The following OXR1 variants were observed in gnomAD, a reference collection of about 807,000 sequenced individuals.
The protein encoded by OXR1 is oxidation resistance 1.
In OXR1, 41 loss-of-function variants were observed where a neutral mutation model predicts 104.6. The observed-to-expected ratio is 0.39, with a 90% CI of 0.31 to 0.51. The LOEUF (loss-of-function observed/expected upper bound fraction) is 0.51, where lower values mean the gene tolerates loss of function less well. Among genes scored for constraint, OXR1 ranks in the 20% least tolerant of loss-of-function variants. The probability of loss-of-function intolerance (pLI) is 0.77; values close to 1 mark genes in which losing one functional copy is unlikely to be tolerated. For missense variants in OXR1, 955 were observed against 1,031.9 expected (o/e 0.93, Z 1.02); for synonymous variants, 348 against 348.4 (o/e 1.00, Z 0.01).
At chr8:106,333,106 C>T (rs956390383) in intron 1 of OXR1, among the ~76,000 whole-genome samples, 5 of 152,028 alleles carry the variant, frequency 3.3e-5, no homozygotes, top group African/African-American at 1.2e-4. Flanking sequence ...TATCAACATT[C>T]ATGTATAAGT....
chr8:106,586,321 GAAAAA>G (rs796612145), intron 3 of OXR1, among the ~76,000 whole-genome samples: 1 of 149,704 alleles, frequency 6.7e-6, no homozygotes, highest in African/African-American at 2.5e-5. Flanking sequence ...TAGAAAGAAA[GAAAAA>G]AAAAGAGAGA....
chr8:106,382,317 T>C (rs1033128102), intron 2 of OXR1, among the ~76,000 whole-genome samples: 1 of 151,978 alleles, frequency 6.6e-6, no homozygotes, highest in Non-Finnish European at 1.5e-5. Flanking sequence ...CTAACCCAGA[T>C]CCCCAAGTGA....
At chr8:106,325,912 G>C (rs1814450636) in intron 1 of OXR1, among the ~76,000 whole-genome samples, 2 of 152,160 alleles carry the variant, frequency 1.3e-5, no homozygotes, top group Non-Finnish European at 2.9e-5. Flanking sequence ...AGGATCTGAA[G>C]AAGAATACAT....
intron 1 of OXR1, among the ~76,000 whole-genome samples, chr8:106,295,302 T>C (rs1812946069): frequency 6.6e-6 from 1 of 152,090 alleles, no homozygotes; most frequent in Non-Finnish European, 1.5e-5. Context: ...GACTTAACCA[T>C]CTCTATTAAA....
intron 2 of OXR1, among the ~76,000 whole-genome samples, chr8:106,453,400 T>C (rs1277100291): frequency 6.6e-6 from 1 of 152,200 alleles, no homozygotes; most frequent in Admixed American, 6.5e-5. Context: ...TTAGTATATT[T>C]CCATCAATGT....
At chr8:106,679,508 A>G (rs1827937148) in intron 4 of OXR1, among the ~76,000 whole-genome samples, 1 of 151,984 alleles carries the variant, frequency 6.6e-6, no homozygotes, top group African/African-American at 2.4e-5. Flanking sequence ...AGAAAATTTA[A>G]TTTAATATAG....
rs375943196 is a variant in OXR1 at position 106,361,707 on chromosome 8, A to G, written c.23+2071A>G. Among the ~76,000 whole-genome samples, 85 of 152,318 alleles carry G rather than the reference A, an allele frequency of 5.6e-4. 1 individual carries two copies. In the South Asian group the frequency reaches 0.017, roughly 30 times the overall value. On this transcript the variant is annotated intron_variant, in intron 2 of 16. Coordinates refer to ENST00000517566, the MANE Select transcript of OXR1 (RefSeq NM_001198533.2). ...TATAAATATTTTAACAGGAATGCAC[A>G]GTAACTCATCATTACATTAATTTAG...
At chr8:106,697,203 T>G (rs2131326197) in intron 7 of OXR1, among the ~76,000 whole-genome samples, 1 of 152,152 alleles carries the variant, frequency 6.6e-6, no homozygotes, top group Non-Finnish European at 1.5e-5. Context: ...AAGAGGCCAG[T>G]TGGTCCAGTT....
intron 3 of OXR1, among the ~76,000 whole-genome samples, chr8:106,670,696 A>G (rs1242140374): frequency 6.6e-6 from 1 of 152,204 alleles, no homozygotes; most frequent in East Asian, 1.9e-4. Context: ...GTAAGTCAAA[A>G]GGGAATGTTC....
intron 2 of OXR1, among the ~76,000 whole-genome samples, chr8:106,504,077 G>C (rs1160170448): frequency 6.6e-6 from 1 of 152,172 alleles, no homozygotes; most frequent in African/African-American, 2.4e-5. Flanking sequence ...CTGGAATCTA[G>C]TACAGTGCTT....
At chr8:106,697,979 G>A in intron 7 of OXR1, 1 of 1,612,994 alleles carries the variant, frequency 6.2e-7, no homozygotes, top group Non-Finnish European at 8.5e-7. Flanking sequence ...TGCACCTCCT[G>A]GCTCAGGCCA....
intron 3 of OXR1, among the ~76,000 whole-genome samples, chr8:106,521,637 C>T (rs924356274): frequency 3.9e-5 from 6 of 152,078 alleles, no homozygotes; most frequent in African/African-American, 1.2e-4. Context: ...CTCAGCCTCC[C>T]GAGTAGCTGG....
At chr8:106,451,598 T>G (rs1392140191) in intron 2 of OXR1, among the ~76,000 whole-genome samples, 2 of 152,220 alleles carry the variant, frequency 1.3e-5, no homozygotes, top group Non-Finnish European at 2.9e-5. Context: ...TTGATAATGT[T>G]GAAGTATGCT....
chr8:106,675,538 C>T (rs1310591511), intron 3 of OXR1, among the ~76,000 whole-genome samples: 1 of 152,064 alleles, frequency 6.6e-6, no homozygotes, highest in African/African-American at 2.4e-5. Flanking sequence ...TTGATTTCTG[C>T]CTTAATTTCA....
intron 2 of OXR1, among the ~76,000 whole-genome samples, chr8:106,475,939 C>G (rs1013962262): frequency 6.6e-6 from 1 of 151,828 alleles, no homozygotes; most frequent in African/African-American, 2.4e-5. Context: ...TTGATTGGCT[C>G]TGTCATAAAT....
chr8:106,714,306 T>C (rs987230615), intron 11 of OXR1, among the ~76,000 whole-genome samples: 2 of 152,058 alleles, frequency 1.3e-5, no homozygotes, highest in African/African-American at 4.8e-5. Context: ...TTTGCTGTTA[T>C]ATTAATTTTC....
chr8:106,287,033 G>A (rs3019307), intron 1 of OXR1, among the ~76,000 whole-genome samples: 45,386 of 151,702 alleles, frequency 0.3, 7,023 homozygotes, highest in East Asian at 0.56. Flanking sequence ...GGTATCGTAG[G>A]TATCAGTTTC....
At chr8:106,302,510 C>T (rs919154628) in intron 1 of OXR1, among the ~76,000 whole-genome samples, 13 of 149,786 alleles carry the variant, frequency 8.7e-5, no homozygotes, top group South Asian at 2.1e-4. Flanking sequence ...GGTGTGAACC[C>T]GGGAGGCGGA....
At chr8:106,748,377 CA>C (rs1835572392) in intron 16 of OXR1, among the ~76,000 whole-genome samples, 1 of 152,010 alleles carries the variant, frequency 6.6e-6, no homozygotes, top group South Asian at 2.1e-4. Context: ...TGTATCTTAG[CA>C]AAGTCCCATT....
Sources: allele counts gnomAD v4.1 joint callset (sites outside exome capture counted in the v4.1 genomes callset), GRCh38; gene constraint gnomAD v4.1.1; transcripts MANE v1.5; gene names NCBI Gene and HGNC (gene_info 2026-07-23, HGNC 2026-07-21).